Variants in IL17RC observed in about 807,000 individuals in gnomAD.
The protein encoded by IL17RC is interleukin 17 receptor C, also known as interleukin-17 receptor C.
A neutral mutation model predicts 86.7 loss-of-function variants in IL17RC; 53 were observed. That is an observed-to-expected ratio of 0.61 (90% CI 0.49 to 0.77). The LOEUF (loss-of-function observed/expected upper bound fraction) is 0.77. Ranked by LOEUF, IL17RC falls within the 30% of genes least tolerant of loss-of-function variation. The pLI, the probability that IL17RC is intolerant of heterozygous loss-of-function variation, is 0.00. For synonymous variants in IL17RC, 439 were observed against 413.1 expected (o/e 1.06, Z -0.76); for missense variants, 957 against 940.0 (o/e 1.02, Z -0.24).
At position 9,920,933 on chromosome 3, in the gene IL17RC, G is replaced by T. The variant is rs764973726; in HGVS notation, c.586G>T (p.Gly196Trp). 25 of 1,607,426 alleles carry T rather than the reference G, an allele frequency of 1.6e-5. No homozygotes were observed. Among genetic ancestry groups the T allele is most frequent in the Middle Eastern group, 1.7e-4 (1 of 5,936 alleles). The part of the protein sequence containing the change: ...NHTQQLPDCR[G>W]LEVWNSIPSC... ...CTGTGATCTCTCCTCAGACTGCAGG[G>T]GGCTCGAAGTCTGGAACAGCATCCC... The change falls in exon 7 of 19, where the codon GGG becomes TGG. Residue 196 changes from glycine to tryptophan, a missense_variant. By Grantham distance (184) the Gly-to-Trp change is radical. Coordinates refer to ENST00000403601, the MANE Select transcript of IL17RC (RefSeq NM_153460.4).
chr3:9,931,871 T>TTA (rs1553594151), intron 16 of IL17RC, among the ~76,000 whole-genome samples: 10 of 116,576 alleles, frequency 8.6e-5, no homozygotes, highest in East Asian at 2.6e-4. Context: ...CAATTGGAGG[T>TTA]AAAAAAAAAA....
intron 5 of IL17RC, among the ~76,000 whole-genome samples, chr3:9,920,008 G>A (rs1230859596): frequency 6.6e-6 from 1 of 152,070 alleles, no homozygotes; most frequent in Non-Finnish European, 1.5e-5. Context: ...TTCCACTGGG[G>A]TCAAATCACT....
chr3:9,928,240 G>C lies in IL17RC; in HGVS notation c.877+20G>C, dbSNP rs377481843. 1.3e-6 allele frequency: 2 copies of C among 1,574,902 alleles called. No individual in the cohort carries two copies. Among genetic ancestry groups the C allele is most frequent in the African/African-American group, 3.5e-5 (2 of 56,892 alleles). Reference sequence around the variant, plus strand: ...GGGAGGGTGAGCCGACCGGCCTGGGGCTGGGGTTGGGGTGTTGCGAGCGAT... The same window carrying C: ...GGGAGGGTGAGCCGACCGGCCTGGGCCTGGGGTTGGGGTGTTGCGAGCGAT... On this transcript the variant is annotated intron_variant, in intron 10 of 18. Transcript: ENST00000403601.
At chr3:9,926,969 G>A (rs2084142699) in intron 9 of IL17RC, among the ~76,000 whole-genome samples, 1 of 152,202 alleles carries the variant, frequency 6.6e-6, no homozygotes, top group African/African-American at 2.4e-5. Flanking sequence ...ACTGTTGAAT[G>A]AGTGAATAAA....
chr3:9,932,543 T>C (rs2084841989), intron 16 of IL17RC, 65 bp from the exon 17 acceptor site: 2 of 1,427,302 alleles, frequency 1.4e-6, no homozygotes, highest in African/African-American at 1.4e-5. Flanking sequence ...TTCATTTCTG[T>C]TAAGTCTCAG....
intron 16 of IL17RC, 138 bp from the exon 17 acceptor site, chr3:9,932,470 C>T (rs956164314): frequency 6.3e-6 from 5 of 793,978 alleles, no homozygotes; most frequent in South Asian, 4.2e-5. Context: ...TCGTGATCTG[C>T]CCGCCTCGGC....
In IL17RC at chr3:9,930,209, A is replaced by G. The variant is rs1232099236; in HGVS notation, c.1278+60A>G. The G allele has an allele frequency of 1.2e-6, 2 of 1,602,298 alleles. No individual in the cohort carries two copies. The highest frequency in any genetic ancestry group is 1.7e-5 in the Admixed American group (1 of 59,608). On this transcript the variant is annotated intron_variant, in intron 14 of 18. Coordinates refer to ENST00000403601, the MANE Select transcript of IL17RC (RefSeq NM_153460.4). This position sits in a 1 kb window ranked among gnomAD's most constrained non-coding sequence, Gnocchi z 5.8. ...CCAAATGCATCTCACATCTGGCCTCAAATTTTCACTCCATCCACCCTGTGC... is the reference window on the plus strand; with the variant it reads ...CCAAATGCATCTCACATCTGGCCTCGAATTTTCACTCCATCCACCCTGTGC...
At chr3:9,922,466 C>T (rs1044780167) in intron 7 of IL17RC, among the ~76,000 whole-genome samples, 1 of 152,182 alleles carries the variant, frequency 6.6e-6, no homozygotes, top group African/African-American at 2.4e-5. Context: ...ATGTGTATAT[C>T]ATGGATTTCA....
At chr3:9,918,096 C>T (rs1319844171) in intron 3 of IL17RC, 21 bp downstream of exon 3, 43 of 1,559,686 alleles carry the variant, frequency 2.8e-5, no homozygotes, top group Non-Finnish European at 3.6e-5. Context: ...CATCCTGTGA[C>T]AGTGCATGTG....
chr3:9,932,698 C>A lies in IL17RC; in HGVS notation c.1478C>A (p.Ala493Glu), dbSNP rs779436552. The A allele has an allele frequency of 6.2e-7, 1 of 1,614,144 alleles. No homozygotes were observed. The highest frequency in any genetic ancestry group is 1.3e-5 in the African/African-American group (1 of 75,046). The change falls in exon 17 of 19, where the codon GCG (alanine) becomes GAG (glutamate). Residue 493 changes from alanine to glutamate, a missense_variant. Ala to Glu is a moderately radical substitution (Grantham distance 107). Coordinates refer to ENST00000403601, the MANE Select transcript of IL17RC (RefSeq NM_153460.4). ...SLILLLKKDH[A>E]KGWLRLLKQD... is the part of the protein sequence containing the mutation. ...ATCCTCCTTCTCAAAAAGGATCACGCGAAAGGTGAGCGCTTCCCGGCTCCC... is the reference window on the plus strand; with the variant it reads ...ATCCTCCTTCTCAAAAAGGATCACGAGAAAGGTGAGCGCTTCCCGGCTCCC...
At position 9,930,905 on chromosome 3, in the gene IL17RC, AT is replaced by A; in HGVS notation, c.1350del (p.Asp450GlufsTer48). On this transcript the variant is annotated frameshift_variant, in exon 16 of 19. Transcript: ENST00000403601. LOFTEE classifies it high-confidence loss of function. This position sits in a 1 kb window ranked among gnomAD's most constrained non-coding sequence, Gnocchi z 5.8. ...GTTTGTATCTTACAGCTATGGGACG[AT>A]GACTTGGGAGCGCTATGGGCCTGCC... ...QSGQCLQLWD[D>X]DLGALWACPM... 6.2e-7 allele frequency: 1 copy of A among 1,614,170 alleles called. No individual in the cohort carries two copies.
Position 9,933,550 on chromosome 3 carries a change from G to C in IL17RC, c.2120G>C (p.Gly707Ala), listed in dbSNP as rs543412400. 8 of 1,607,374 alleles carry C rather than the reference G, an allele frequency of 5.0e-6. No individual in the cohort carries two copies. In the South Asian group the frequency reaches 7.8e-5, roughly 16 times the overall value. Residue 707 changes from glycine (G) to alanine (A), a missense_variant, in exon 19 of 19, where the codon GGG becomes GCG. Physicochemically the swap from Gly to Ala is moderately conservative, Grantham distance 60. Coordinates refer to ENST00000403601, the MANE Select transcript of IL17RC (RefSeq NM_153460.4). ...CCGGGGACTCCCGCGCCGGGACGCG[G>C]GGTGGGACCAGGCGCGGGACCTGGG... ...HPPGTPAPGR[G>A]VGPGAGPGAG...
intron 16 of IL17RC, 152 bp downstream of exon 16, chr3:9,931,095 G>C (rs564631665): frequency 6.9e-5 from 51 of 735,288 alleles, no homozygotes; most frequent in Non-Finnish European, 1.2e-4. Context: ...AAAATGATGA[G>C]AGCTTGCAGG....
chr3:9,918,672 T>G, intron 5 of IL17RC, 63 bp downstream of exon 5: 86 of 1,032,382 alleles, frequency 8.3e-5, no homozygotes, highest in Non-Finnish European at 1.2e-4. Flanking sequence ...TCACATGCAT[T>G]ATCTCTTTGA....
intron 9 of IL17RC, among the ~76,000 whole-genome samples, chr3:9,926,448 T>C (rs1264206702): frequency 3.3e-5 from 5 of 152,212 alleles, no homozygotes; most frequent in African/African-American, 1.2e-4. Context: ...ATAAATATTA[T>C]GAAATGAATG....
intron 8 of IL17RC, 75 bp from the exon 9 acceptor site, chr3:9,924,157 C>T: frequency 3.7e-6 from 6 of 1,608,826 alleles, no homozygotes; most frequent in South Asian, 1.1e-5. Context: ...CTTCTGCCTT[C>T]CTGGTTTCCT....
Position 9,918,348 on chromosome 3 carries a change from G to A in IL17RC, c.294G>A (p.Glu98=), listed in dbSNP as rs1232772979. Residue 98 remains glutamate, a synonymous_variant, in exon 4 of 19, where the codon GAG becomes GAA. Transcript: ENST00000403601. ...GGGTCCTTCTAGGGCACTGGGAAGA[G>A]CCTGAAGATGAGGAAAAGTTTGGAG... The part of the protein sequence containing the change: ...VHLAVHGHWE[E]PEDEEKFGGA... 2.5e-6 allele frequency: 4 copies of A among 1,594,858 alleles called. No individual in the cohort carries two copies. The highest frequency in any genetic ancestry group is 2.3e-5 in the East Asian group (1 of 43,944).
Position 9,933,491 on chromosome 3 carries a change from CCTT to C in IL17RC, c.2063_2065del (p.Leu688del). 1 of 1,611,982 alleles carries C rather than the reference CCTT, an allele frequency of 6.2e-7. No individual in the cohort carries two copies. Among genetic ancestry groups the C allele is most frequent in the South Asian group, 1.1e-5 (1 of 90,792 alleles). ...AGAGAGCGGAGCAAGTGTCCCGGGC[CCTT>C]CAGCCAGCCCTGGATAGCTACTTCC... On this transcript the variant is annotated inframe_deletion, in exon 19 of 19. Coordinates refer to ENST00000403601, the MANE Select transcript of IL17RC (RefSeq NM_153460.4).
rs1386702963 is a variant in IL17RC, at chr3:9,928,148, C to A, written c.823-18C>A. 3.7e-6 allele frequency: 6 copies of A among 1,612,974 alleles called. No individual in the cohort carries two copies. Among genetic ancestry groups the A allele is most frequent in the East Asian group, 2.2e-5 (1 of 44,894 alleles). ...TGCCCATGGAGGGGACCTGAGCAGA[C>A]CCCCATTTCCTTTCCAGGTGTGGCC... On this transcript the variant is annotated intron_variant, in intron 9 of 18. Transcript: ENST00000403601.
Sources: allele counts gnomAD v4.1 joint callset (sites outside exome capture counted in the v4.1 genomes callset), GRCh38; gene constraint gnomAD v4.1.1; non-coding constraint Gnocchi (gnomAD v3.1); transcripts MANE v1.5; gene names NCBI Gene and HGNC (gene_info 2026-07-23, HGNC 2026-07-21).